Variants in HTN3 observed in about 807,000 individuals in gnomAD.
HTN3 encodes the protein histatin 3.
Under a neutral mutation model 10.6 loss-of-function variants are expected in HTN3, and 15 were observed. That is an observed-to-expected ratio of 1.42 (90% CI 0.95 to 2.18). HTN3 has a LOEUF of 2.18. Ranked by LOEUF, HTN3 falls within the 30% of genes most tolerant of loss-of-function variation. The pLI, the probability that HTN3 is intolerant of heterozygous loss-of-function variation, is 0.00. For missense variants in HTN3, 68 were observed against 58.0 expected, an observed-to-expected ratio of 1.17 and a Z score of -0.56; for synonymous variants, 15 against 16.9, an observed-to-expected ratio of 0.89 and a Z score of 0.27.
At chr4:70,031,940 T>C in intron 2 of HTN3, 39 bp from the exon 3 acceptor site, 1 of 1,371,462 alleles carries the variant, frequency 7.3e-7, no homozygotes, top group Non-Finnish European at 1.0e-6. Flanking sequence ...ATTATGAAAT[T>C]AAGATATTAA....
chr4:70,035,940 A>T (rs1286033189), intron 5 of HTN3, among the ~76,000 whole-genome samples: 2 of 152,122 alleles, frequency 1.3e-5, no homozygotes, highest in East Asian at 3.8e-4. Context: ...TCAGGGGAGG[A>T]TATAGGTAAA....
intron 2 of HTN3, among the ~76,000 whole-genome samples, chr4:70,031,588 C>T (rs1432330152): frequency 1.3e-5 from 2 of 152,018 alleles, no homozygotes; most frequent in African/African-American, 2.4e-5. Flanking sequence ...CAGAGAAAAG[C>T]ACAATGCCTG....
Position 70,033,188 on chromosome 4 carries a change from G to C in HTN3, c.124G>C (p.Gly42Arg), listed in dbSNP as rs58376281. 6,386 of 1,606,366 alleles carry C rather than the reference G, an allele frequency of 4.0e-3. 196 individuals are homozygous for C. The African/African-American group carries it at 0.073, about 18-fold the overall frequency. ...GCAGGAAAAGCATCATTCACATCGA[G>C]GCTATAGATCAAATTATCTGTATGA... ...KFHEKHHSHR[G>R]YRSNYLYDN The change falls in exon 5 of 6, where the codon GGC becomes CGC. Residue 42 changes from glycine to arginine, a missense_variant. Transcript: ENST00000673563.
intron 1 of HTN3, among the ~76,000 whole-genome samples, chr4:70,029,021 C>A (rs528408316): frequency 6.6e-6 from 1 of 152,018 alleles, no homozygotes; most frequent in South Asian, 2.1e-4. Context: ...AACAATTAGT[C>A]TTCTCAATCT....
chr4:70,029,470 C>T (rs1725322067), intron 1 of HTN3, among the ~76,000 whole-genome samples: 1 of 151,930 alleles, frequency 6.6e-6, no homozygotes, highest in Admixed American at 6.6e-5. Flanking sequence ...AAGAGTAGGA[C>T]ATTTTTATTA....
At chr4:70,033,105 G>A in intron 4 of HTN3, 62 bp from the exon 5 acceptor site, 3 of 1,189,886 alleles carry the variant, frequency 2.5e-6, no homozygotes, top group East Asian at 2.4e-5. Context: ...TTTTTGTGAA[G>A]CATTTTTACT....
intron 5 of HTN3, 80 bp downstream of exon 5, chr4:70,033,333 T>A: frequency 1.5e-6 from 1 of 678,684 alleles, no homozygotes; most frequent in Non-Finnish European, 2.5e-6. Flanking sequence ...AAAAAAGCCA[T>A]TAAGCCAACA....
In HTN3 at chr4:70,036,453, A is replaced by AC. The variant is rs1038579200; in HGVS notation, c.*220_*221insC. On this transcript the variant is annotated 3_prime_UTR_variant, in exon 6 of 6. Coordinates refer to ENST00000673563, the MANE Select transcript of HTN3 (RefSeq NM_000200.3). ...ATTTGATTAGATACTTGCAATTTAA[A>AC]TGTTAAGCTGTTTTCACTGCTGTTT... 7 of 152,168 alleles carry AC rather than the reference A, an allele frequency of 4.6e-5. No homozygotes were observed. Among genetic ancestry groups the AC allele is most frequent in the Non-Finnish European group, 7.3e-5 (5 of 68,032 alleles). 9.4% of individuals were successfully genotyped at this position (152,168 alleles called of 1,614,324 possible).
chr4:70,029,999 A>T (rs1465396501), intron 1 of HTN3, among the ~76,000 whole-genome samples: 2 of 152,194 alleles, frequency 1.3e-5, no homozygotes, highest in African/African-American at 4.8e-5. Flanking sequence ...TTGCCATTCT[A>T]CTTTCTAAAT....
rs12651093 is a variant in HTN3 at position 70,030,862 on chromosome 4, G to A, written c.51+71G>A. On this transcript the variant is annotated intron_variant, in intron 2 of 5. Coordinates refer to ENST00000673563, the MANE Select transcript of HTN3 (RefSeq NM_000200.3). ...CCCAAGGATCTTTCTTATTCCTTACGTTCTGCCATATATTCATGTTCACCT... is the reference window on the plus strand; with the variant it reads ...CCCAAGGATCTTTCTTATTCCTTACATTCTGCCATATATTCATGTTCACCT... The A allele has an allele frequency of 2.3e-3, 2,676 of 1,179,142 alleles. 67 individuals are homozygous for A. In the East Asian group the frequency reaches 0.046, roughly 20 times the overall value. The allele number at this position is 1,179,142 out of a possible 1,614,324, so 73.0% of individuals were successfully genotyped here.
At chr4:70,031,476 TCAAATGAA>T (rs1350176825) in intron 2 of HTN3, 2 of 153,660 alleles carry the variant, frequency 1.3e-5, no homozygotes, top group Non-Finnish European at 2.9e-5. Flanking sequence ...TCCACTAAAT[TCAAATGAA>T]TGTTTCAAAA....
intron 1 of HTN3, among the ~76,000 whole-genome samples, chr4:70,029,327 A>G (rs1725319272): frequency 6.6e-6 from 1 of 151,982 alleles, no homozygotes; most frequent in Admixed American, 6.6e-5. Flanking sequence ...TAATAGAAAA[A>G]CTTCAAGAAA....
At chr4:70,032,984 CT>C (rs1159099142) in intron 4 of HTN3, among the ~76,000 whole-genome samples, 182 bp from the exon 5 acceptor site, 2 of 152,040 alleles carry the variant, frequency 1.3e-5, no homozygotes, top group African/African-American at 4.8e-5. Flanking sequence ...TTTTTACTTG[CT>C]TTTAAACATT....
At position 70,030,284 on chromosome 4, in the gene HTN3, GT is replaced by G. The variant is rs1372739739; in HGVS notation, c.-13-441del. Among the ~76,000 whole-genome samples, 3 of 151,996 alleles carry G rather than the reference GT, an allele frequency of 2.0e-5. No individual in the cohort carries two copies. The East Asian group carries it at 5.8e-4, about 29-fold the overall frequency. ...GTCTATTTAAGATGTCCATTTGTGT[GT>G]TTCCTTAGCATATTAATAATTCCAA... On this transcript the variant is annotated intron_variant, in intron 1 of 5. Transcript: ENST00000673563.
chr4:70,032,037 A>G (rs754168370), intron 3 of HTN3, 38 bp downstream of exon 3: 2 of 1,547,406 alleles, frequency 1.3e-6, no homozygotes, highest in Non-Finnish European at 1.8e-6. Context: ...TTGATAATTA[A>G]TCATATATTG....
rs1473462955 is a variant in HTN3 at position 70,033,174 on chromosome 4, A to G, written c.110A>G (p.His37Arg). 2 of 1,606,036 alleles carry G rather than the reference A, an allele frequency of 1.2e-6. No individual in the cohort carries two copies. The highest frequency in any genetic ancestry group is 1.7e-4 in the Middle Eastern group (1 of 6,036). ...HGYKRKFHEKHHSHRGYRSNY... is the reference protein window; with the variant it reads ...HGYKRKFHEKRHSHRGYRSNY... ...CCTTTTGTGTGTATGCAGGAAAAGC[A>G]TCATTCACATCGAGGCTATAGATCA... is the stretch of plus-strand genomic sequence containing the variant. Residue 37 changes from histidine (H) to arginine (R), a missense_variant, in exon 5 of 6, where the codon CAT becomes CGT. By Grantham distance (29) the His-to-Arg change is conservative (BLOSUM62 0). Transcript: ENST00000673563.
chr4:70,030,978 C>A, intron 2 of HTN3, 187 bp downstream of exon 2: 1 of 496,960 alleles, frequency 2.0e-6, no homozygotes, highest in Non-Finnish European at 3.6e-6. Flanking sequence ...TCATTACATA[C>A]CTGCGAACAC....
At chr4:70,035,751 A>G (rs1327839669) in intron 5 of HTN3, among the ~76,000 whole-genome samples, 1 of 152,220 alleles carries the variant, frequency 6.6e-6, no homozygotes, top group Non-Finnish European at 1.5e-5. Context: ...AAAATAAAGT[A>G]ATATTTTGGA....
rs1560426750 is a variant in HTN3, at chr4:70,032,004, GAC to G, written c.72+7_72+8del. 6.4e-7 allele frequency: 1 copy of G among 1,564,408 alleles called. No homozygotes were observed. Among genetic ancestry groups the G allele is most frequent in the East Asian group, 2.3e-5 (1 of 44,280 alleles). ...GGAGCTGATTCACATGCAAAGGTAA[GAC>G]ATTTTCATTTACTGGAAAACTTGAT... is the stretch of plus-strand genomic sequence containing the variant. On this transcript the variant is annotated splice_donor_region_variant and intron_variant, in intron 3 of 5. Coordinates refer to ENST00000673563, the MANE Select transcript of HTN3 (RefSeq NM_000200.3).
Sources: gnomAD v4.1 joint callset for allele counts (sites outside exome capture counted in the v4.1 genomes callset) on GRCh38, gnomAD v4.1.1 for gene constraint, MANE v1.5 for transcripts, NCBI Gene and HGNC (gene_info 2026-07-23, HGNC 2026-07-21) for gene names.